Variants in MAP4K5 observed in about 807,000 individuals in gnomAD.
MAP4K5 encodes MAPK/ERK kinase kinase kinase 5.
A neutral mutation model predicts 135.6 loss-of-function variants in MAP4K5; 82 were observed. That is an observed-to-expected ratio of 0.60 (90% confidence interval 0.51 to 0.73). The LOEUF (loss-of-function observed/expected upper bound fraction) is 0.73. Ranked by LOEUF, MAP4K5 falls within the 30% of genes least tolerant of loss-of-function variation. The pLI is 0.00. For missense variants in MAP4K5, 907 were observed against 1,010.9 expected, an observed-to-expected ratio of 0.90 and a Z score of 1.39; for synonymous variants, 347 against 335.0, an observed-to-expected ratio of 1.04 and a Z score of -0.39.
At chr14:50,448,178 C>T (rs1016571585) in intron 15 of MAP4K5, among the ~76,000 whole-genome samples, 1 of 152,034 alleles carries the variant, frequency 6.6e-6, no homozygotes, top group South Asian at 2.1e-4. Context: ...CCACGCCTGG[C>T]TGATTTTTGT....
At chr14:50,453,251 T>C (rs942663701) in intron 14 of MAP4K5, among the ~76,000 whole-genome samples, 1 of 146,488 alleles carries the variant, frequency 6.8e-6, no homozygotes, top group Non-Finnish European at 1.5e-5. Context: ...CAACCACCAA[T>C]ACACTCTTCA....
intron 27 of MAP4K5, 69 bp downstream of exon 27, chr14:50,434,893 G>A (rs2036055506): frequency 1.1e-6 from 1 of 879,466 alleles, no homozygotes. Flanking sequence ...ATTGGGATCT[G>A]CTAATTTTAG....
At chr14:50,470,704 TATC>T (rs2036940379) in intron 9 of MAP4K5, among the ~76,000 whole-genome samples, 1 of 151,918 alleles carries the variant, frequency 6.6e-6, no homozygotes, top group African/African-American at 2.4e-5. Flanking sequence ...TATAAAATGG[TATC>T]ATATTGCATA....
upstream of MAP4K5, among the ~76,000 whole-genome samples, chr14:50,534,470 T>G (rs775794195): frequency 6.6e-6 from 1 of 152,240 alleles, no homozygotes; most frequent in Non-Finnish European, 1.5e-5. Flanking sequence ...AATGCCCAGT[T>G]TGAGACGAGG....
intron 14 of MAP4K5, among the ~76,000 whole-genome samples, chr14:50,452,438 C>G (rs570047864): frequency 6.6e-6 from 1 of 152,268 alleles, no homozygotes; most frequent in East Asian, 1.9e-4. Context: ...CTCATTAACT[C>G]TATGAACCAA....
chr14:50,506,216 A>C (rs2037806626), intron 2 of MAP4K5, among the ~76,000 whole-genome samples: 1 of 152,256 alleles, frequency 6.6e-6, no homozygotes, highest in South Asian at 2.1e-4. Context: ...AAGGAATAGA[A>C]GAATGATAAA....
At chr14:50,537,164 G>A (rs1451730349), upstream of MAP4K5, among the ~76,000 whole-genome samples, 1 of 152,204 alleles carries the variant, frequency 6.6e-6, no homozygotes, top group Non-Finnish European at 1.5e-5. Context: ...GAGACTTGGT[G>A]CCCTGCTTTC....
At chr14:50,432,687 C>T (rs752933037) in intron 28 of MAP4K5, among the ~76,000 whole-genome samples, 4 of 151,538 alleles carry the variant, frequency 2.6e-5, no homozygotes, top group Admixed American at 1.3e-4. Context: ...AGAAAGTGGT[C>T]GCAAATATAC....
intron 2 of MAP4K5, among the ~76,000 whole-genome samples, chr14:50,527,845 TAA>T (rs2038300768): frequency 6.7e-6 from 1 of 149,170 alleles, no homozygotes; most frequent in Admixed American, 6.7e-5. Flanking sequence ...AATAAATAAA[TAA>T]ATAAAAATAA....
intron 17 of MAP4K5, among the ~76,000 whole-genome samples, chr14:50,445,623 G>A (rs955353535): frequency 4.6e-5 from 7 of 152,132 alleles, no homozygotes; most frequent in Admixed American, 2.0e-4. Context: ...AGGCTGGAGT[G>A]CAGTGGCACG....
At chr14:50,548,571 G>A (rs985617283) in intron 1 of MAP4K5, among the ~76,000 whole-genome samples, 9 of 152,112 alleles carry the variant, frequency 5.9e-5, no homozygotes, top group African/African-American at 1.4e-4. Context: ...GTGCAGTGGC[G>A]TGATCTCGGG....
At chr14:50,536,209 C>G (rs991109853), upstream of MAP4K5, among the ~76,000 whole-genome samples, 2 of 152,172 alleles carry the variant, frequency 1.3e-5, no homozygotes, top group African/African-American at 4.8e-5. Context: ...CTTTGGGAGG[C>G]CAAGGTGGGC....
chr14:50,556,472 C>T, intron 1 of MAP4K5, among the ~76,000 whole-genome samples: 1 of 152,300 alleles, frequency 6.6e-6, no homozygotes, highest in Non-Finnish European at 1.5e-5. Context: ...CCCACCTCAG[C>T]TTCCCAAAGT....
chr14:50,559,947 A>C, intron 1 of MAP4K5: 2 of 440,136 alleles, frequency 4.5e-6, no homozygotes, highest in Non-Finnish European at 8.4e-6. Context: ...GGTGCTGTTT[A>C]TTTGTTTGTG....
chr14:50,431,496 T>C (rs982091833), intron 28 of MAP4K5, among the ~76,000 whole-genome samples: 9 of 152,060 alleles, frequency 5.9e-5, no homozygotes, highest in Non-Finnish European at 7.4e-5. Flanking sequence ...AGTGAGAATA[T>C]GTGGTGTTTG....
Position 50,481,596 on chromosome 14 carries a change from C to T in MAP4K5, c.378+765G>A, listed in dbSNP as rs77939146. 2.0e-3 allele frequency among the ~76,000 whole-genome samples: 298 copies of T among 152,158 alleles called. 1 individual carries two copies. Among genetic ancestry groups the T allele is most frequent in the African/African-American group, 6.6e-3 (275 of 41,518 alleles). On this transcript the variant is annotated intron_variant, in intron 6 of 32. Transcript: ENST00000682126. ...CACAATCACTACTACTTATTCCCTC[C>T]TGCAAATTTAAATGCCTTAAATTAT...
intron 3 of MAP4K5, among the ~76,000 whole-genome samples, chr14:50,490,541 G>C (rs1240858139): frequency 6.6e-6 from 1 of 152,192 alleles, no homozygotes; most frequent in Non-Finnish European, 1.5e-5. Flanking sequence ...TTAAGAGACA[G>C]ATTTGCTAAA....
At chr14:50,556,811 C>A (rs904844048) in intron 1 of MAP4K5, among the ~76,000 whole-genome samples, 6 of 152,126 alleles carry the variant, frequency 3.9e-5, no homozygotes, top group Non-Finnish European at 5.9e-5. Context: ...CATGTTGTAC[C>A]ATATATTGGT....
intron 32 of MAP4K5, among the ~76,000 whole-genome samples, chr14:50,422,293 T>A (rs1782534318): frequency 6.6e-6 from 1 of 152,188 alleles, no homozygotes; most frequent in African/African-American, 2.4e-5. Context: ...CCTTTTCTAT[T>A]CACTAAGGTA....
Sources: allele counts gnomAD v4.1 joint callset (sites outside exome capture counted in the v4.1 genomes callset), GRCh38; gene constraint gnomAD v4.1.1; transcripts MANE v1.5; gene names NCBI Gene and HGNC (gene_info 2026-07-23, HGNC 2026-07-21).